The following RALYL variants were observed in gnomAD, a reference collection of about 807,000 sequenced individuals.
The protein encoded by RALYL is RNA-binding Raly-like protein.
Under a neutral mutation model 35.1 loss-of-function variants are expected in RALYL, and 29 were observed. The ratio of observed to expected loss-of-function variants is 0.83; its 90% CI spans 0.61 to 1.13. The LOEUF (loss-of-function observed/expected upper bound fraction) is 1.13, where lower values mean the gene tolerates loss of function less well. RALYL is among the 50% of genes most tolerant of loss of function. The pLI is 0.00. For synonymous variants in RALYL, 120 were observed against 127.6 expected (o/e 0.94, Z 0.40); for missense variants, 359 against 360.4 (o/e 1.00, Z 0.03).
At chr8:84,216,188 C>T (rs1039211937) in intron 1 of RALYL, among the ~76,000 whole-genome samples, 2 of 152,008 alleles carry the variant, frequency 1.3e-5, no homozygotes, top group Non-Finnish European at 2.9e-5. Flanking sequence ...AATTTTGAGA[C>T]TTGACATATA....
intron 5 of RALYL, among the ~76,000 whole-genome samples, chr8:84,855,002 C>T (rs139468968): frequency 2.4e-4 from 37 of 152,290 alleles, no homozygotes; most frequent in African/African-American, 8.9e-4. Flanking sequence ...CAAAATTACT[C>T]AGACTGGATT....
chr8:84,517,335 C>T (rs566271257), intron 1 of RALYL, among the ~76,000 whole-genome samples: 1 of 152,110 alleles, frequency 6.6e-6, no homozygotes, highest in Non-Finnish European at 1.5e-5. Flanking sequence ...TGGTGATACC[C>T]AAAGGCTAGG....
intron 4 of RALYL, chr8:84,828,605 C>A: frequency 5.9e-6 from 1 of 169,086 alleles, no homozygotes. Flanking sequence ...ATGTAGTTTT[C>A]TTCAGATCCA....
chr8:84,482,598 T>C (rs190693175), intron 1 of RALYL, among the ~76,000 whole-genome samples: 86 of 152,144 alleles, frequency 5.7e-4, no homozygotes, highest in Non-Finnish European at 1.1e-3. Flanking sequence ...GAGACCATAA[T>C]GGTCATGAAA....
At chr8:84,728,923 T>C (rs1378247406) in intron 2 of RALYL, among the ~76,000 whole-genome samples, 1 of 152,194 alleles carries the variant, frequency 6.6e-6, no homozygotes, top group Non-Finnish European at 1.5e-5. Flanking sequence ...CCTCCAGCTT[T>C]GTTCTTTTGG....
chr8:84,747,890 C>T (rs982800266), intron 2 of RALYL, among the ~76,000 whole-genome samples: 2 of 151,832 alleles, frequency 1.3e-5, no homozygotes, highest in Non-Finnish European at 2.9e-5. Context: ...TACATTCTTT[C>T]GGATTCAAAC....
intron 2 of RALYL, among the ~76,000 whole-genome samples, chr8:84,690,768 T>C (rs1029551448): frequency 2.0e-5 from 3 of 152,170 alleles, no homozygotes; most frequent in African/African-American, 7.2e-5. Flanking sequence ...CTTTAAGTCT[T>C]ATAGCCAAAT....
intron 1 of RALYL, among the ~76,000 whole-genome samples, chr8:84,244,596 A>G (rs1157791945): frequency 6.6e-6 from 1 of 152,092 alleles, no homozygotes; most frequent in Non-Finnish European, 1.5e-5. Context: ...CTGCTGCACT[A>G]TTTCTTTTTG....
At chr8:84,556,581 C>T (rs188215263) in intron 2 of RALYL, among the ~76,000 whole-genome samples, 1 of 152,246 alleles carries the variant, frequency 6.6e-6, no homozygotes, top group East Asian at 1.9e-4. Context: ...ATTTTTATAA[C>T]ATTGGTCTCC....
intron 8 of RALYL, among the ~76,000 whole-genome samples, chr8:84,917,130 G>C (rs914027400): frequency 2.6e-5 from 4 of 152,042 alleles, no homozygotes; most frequent in African/African-American, 9.7e-5. Context: ...ATTTCTGTAT[G>C]AAATAACAAA....
intron 5 of RALYL, 32 bp from the exon 6 acceptor site, chr8:84,862,264 C>G: frequency 2.1e-6 from 3 of 1,431,024 alleles, no homozygotes; most frequent in Non-Finnish European, 2.8e-6. Context: ...GGGCATCAAA[C>G]CAACTCTCAG....
chr8:84,415,489 C>T (rs1429832034), intron 1 of RALYL, among the ~76,000 whole-genome samples: 6 of 152,168 alleles, frequency 3.9e-5, no homozygotes, highest in Admixed American at 6.5e-5. Flanking sequence ...CGACCCGCCT[C>T]GGCCTCCCAA....
chr8:84,494,035 G>A (rs554534945), intron 1 of RALYL, among the ~76,000 whole-genome samples: 2 of 151,886 alleles, frequency 1.3e-5, no homozygotes, highest in Admixed American at 6.6e-5. Context: ...TTATGGTTTT[G>A]GGTTTTACCT....
intron 2 of RALYL, among the ~76,000 whole-genome samples, chr8:84,697,464 C>T (rs184880143): frequency 4.5e-4 from 68 of 151,996 alleles, no homozygotes; most frequent in Non-Finnish European, 6.3e-4. Context: ...TTATTTTCCC[C>T]GAAGAACATT....
chr8:84,392,394 T>C (rs1427059530), intron 1 of RALYL, among the ~76,000 whole-genome samples: 1 of 151,872 alleles, frequency 6.6e-6, no homozygotes, highest in African/African-American at 2.4e-5. Flanking sequence ...CATTTGTAAA[T>C]TGAATCTATT....
intron 8 of RALYL, 81 bp downstream of exon 8, chr8:84,887,857 A>G: frequency 7.8e-7 from 1 of 1,287,022 alleles, no homozygotes; most frequent in East Asian, 2.3e-5. Flanking sequence ...TAAAATAAGG[A>G]TTAAATCATT....
intron 2 of RALYL, among the ~76,000 whole-genome samples, chr8:84,747,883 A>G (rs1809016207): frequency 6.6e-6 from 1 of 151,928 alleles, no homozygotes; most frequent in Non-Finnish European, 1.5e-5. Flanking sequence ...GGGACCTTAC[A>G]TTCTTTCGGA....
chr8:84,578,670 A>C (rs1810085972), intron 2 of RALYL, among the ~76,000 whole-genome samples: 1 of 152,132 alleles, frequency 6.6e-6, no homozygotes, highest in Non-Finnish European at 1.5e-5. Flanking sequence ...ATCCACAGGC[A>C]CGTTGTCCTG....
At chr8:84,440,886 A>G (rs1437624894) in intron 1 of RALYL, among the ~76,000 whole-genome samples, 1 of 152,022 alleles carries the variant, frequency 6.6e-6, no homozygotes, top group Non-Finnish European at 1.5e-5. Flanking sequence ...TAATCTCTAC[A>G]AGAGGGATTT....
Sources: gnomAD v4.1 joint callset for allele counts (sites outside exome capture counted in the v4.1 genomes callset) on GRCh38, gnomAD v4.1.1 for gene constraint, MANE v1.5 for transcripts, NCBI Gene and HGNC (gene_info 2026-07-23, HGNC 2026-07-21) for gene names.